The following SDK2 variants were observed in gnomAD, a reference collection of about 807,000 sequenced individuals.
SDK2 encodes protein sidekick-2.
A neutral mutation model predicts 253.9 loss-of-function variants in SDK2; 105 were observed. The observed-to-expected ratio is 0.41, with a 90% CI of 0.35 to 0.49. SDK2 has a LOEUF of 0.49. Ranked by LOEUF, SDK2 falls within the 20% of genes least tolerant of loss-of-function variation. SDK2 has a pLI of 0.06. For missense variants in SDK2, 2,608 were observed against 3,003.0 expected, an observed-to-expected ratio of 0.87 and a Z score of 3.07; for synonymous variants, 1,249 against 1,234.9, an observed-to-expected ratio of 1.01 and a Z score of -0.24.
At chr17:73,355,174 A>ATATATATATGTATTTTTTTTTTTT in intron 40 of SDK2, among the ~76,000 whole-genome samples, 2 of 47,240 alleles carry the variant, frequency 4.2e-5, no homozygotes, top group Admixed American at 1.8e-4. Context: ...ATATATATAT[A>ATATATATATGTATTTTTTTTTTTT]TTTTTTTTTT....
chr17:73,440,976 C>G, intron 5 of SDK2, 53 bp from the exon 6 acceptor site: 1 of 1,342,698 alleles, frequency 7.4e-7, no homozygotes, highest in Non-Finnish European at 1.0e-6. Flanking sequence ...CCTATCCCTG[C>G]CCAGCCTCAT....
Position 73,431,807 on chromosome 17 carries a change from G to T in SDK2, c.1313-138C>A. 1 of 934,206 alleles carries T rather than the reference G, an allele frequency of 1.1e-6. No homozygotes were observed. The highest frequency in any genetic ancestry group is 1.7e-5 in the African/African-American group (1 of 59,684). 57.9% of individuals were successfully genotyped at this position (934,206 alleles called of 1,614,324 possible). The stretch of plus-strand genomic sequence containing the variant: ...GCTGGAAGGAATGAGGACAGATGGC[G>T]GTGGGGCTGGGGTGGGGGCTGAGAG... On this transcript the variant is annotated intron_variant, in intron 10 of 44. Transcript: ENST00000392650. The surrounding 1 kb of genome is among the most constrained non-coding windows in gnomAD (Gnocchi z 5.6).
intron 1 of SDK2, among the ~76,000 whole-genome samples, chr17:73,559,604 C>T (rs2045198432): frequency 7.2e-6 from 1 of 138,264 alleles, no homozygotes; most frequent in African/African-American, 3.0e-5. Flanking sequence ...CTGTGCCCCC[C>T]GCCCCCGCCA....
chr17:73,382,572 G>C (rs1486995460), intron 33 of SDK2, among the ~76,000 whole-genome samples: 1 of 152,236 alleles, frequency 6.6e-6, no homozygotes, highest in East Asian at 1.9e-4. Flanking sequence ...GCTACCTGCT[G>C]TGCTGTAACG....
At chr17:73,620,453 G>A (rs756119107) in intron 1 of SDK2, among the ~76,000 whole-genome samples, 1 of 152,188 alleles carries the variant, frequency 6.6e-6, no homozygotes, top group Non-Finnish European at 1.5e-5. Flanking sequence ...CAGTAACTGT[G>A]GAAAATAGTT....
At chr17:73,357,926 T>C (rs1427552610) in intron 40 of SDK2, 153 bp downstream of exon 40, 2 of 1,208,830 alleles carry the variant, frequency 1.7e-6, no homozygotes, top group Admixed American at 3.4e-5. Context: ...CCCAACCCAG[T>C]TTCCCACTCC....
At chr17:73,392,954 AG>A in intron 27 of SDK2, among the ~76,000 whole-genome samples, 1 of 152,258 alleles carries the variant, frequency 6.6e-6, no homozygotes, top group East Asian at 1.9e-4. Context: ...TGAAAAATAA[AG>A]TAAAACTGGC....
At chr17:73,423,362 T>G in intron 14 of SDK2, 24 bp downstream of exon 14, 1 of 1,412,548 alleles carries the variant, frequency 7.1e-7, no homozygotes, top group South Asian at 1.6e-5. Flanking sequence ...CGGGAGGTGT[T>G]GGAGGTGACC....
At chr17:73,495,170 C>T (rs984385586) in intron 2 of SDK2, among the ~76,000 whole-genome samples, 12 of 152,174 alleles carry the variant, frequency 7.9e-5, no homozygotes, top group Non-Finnish European at 1.2e-4. Flanking sequence ...GCTCTTTACC[C>T]CTTCCTTCCA....
chr17:73,494,646 G>T (rs1354272779), intron 2 of SDK2, among the ~76,000 whole-genome samples: 1 of 152,190 alleles, frequency 6.6e-6, no homozygotes, highest in African/African-American at 2.4e-5. Context: ...CAAGGCACAA[G>T]GAGCCAGCTG....
intron 44 of SDK2, among the ~76,000 whole-genome samples, chr17:73,342,759 G>C (rs1441431878): frequency 6.6e-6 from 1 of 152,186 alleles, no homozygotes. Flanking sequence ...GCTCTTACCA[G>C]CAGAGGAAGC....
chr17:73,378,789 A>C (rs2062805784), intron 36 of SDK2, among the ~76,000 whole-genome samples: 1 of 152,164 alleles, frequency 6.6e-6, no homozygotes, highest in Non-Finnish European at 1.5e-5. Context: ...CTATCTGATT[A>C]ATATCAATAT....
intron 16 of SDK2, 144 bp from the exon 17 acceptor site, chr17:73,416,136 C>T (rs1054520692): frequency 4.9e-5 from 31 of 627,672 alleles, no homozygotes; most frequent in South Asian, 6.9e-5. Flanking sequence ...ACAGGGTGCC[C>T]GCCAGCACAT....
chr17:73,643,983 T>G lies in SDK2; in HGVS notation c.64+42A>C. On this transcript the variant is annotated intron_variant, in intron 1 of 44. Coordinates refer to ENST00000392650, the MANE Select transcript of SDK2 (RefSeq NM_001144952.2). The surrounding 1 kb of genome is among the most constrained non-coding windows in gnomAD (Gnocchi z 6.9). Reference sequence around the variant, plus strand: ...CCCGCCGCCCCTCCCCCGCCCACTCTCCCAGCCCCCTCCCTGTCCCCACGT... The same window carrying G: ...CCCGCCGCCCCTCCCCCGCCCACTCGCCCAGCCCCCTCCCTGTCCCCACGT... 5 of 530,750 alleles carry G rather than the reference T, an allele frequency of 9.4e-6. No individual in the cohort carries two copies. The highest frequency in any genetic ancestry group is 6.1e-5 in the East Asian group (1 of 16,326). 32.9% of individuals were successfully genotyped at this position (530,750 alleles called of 1,614,324 possible).
chr17:73,452,858 T>C (rs1437836435), intron 4 of SDK2, among the ~76,000 whole-genome samples: 3 of 152,216 alleles, frequency 2.0e-5, no homozygotes, highest in Non-Finnish European at 4.4e-5. Context: ...CTCGTCTACT[T>C]GTCCCAAAAC....
chr17:73,551,684 C>T (rs9891077), intron 1 of SDK2, among the ~76,000 whole-genome samples: 9 of 152,126 alleles, frequency 5.9e-5, no homozygotes, highest in Admixed American at 2.6e-4. Context: ...TTGCTATGGA[C>T]GCTGTGGATG....
At chr17:73,351,650 G>C (rs1349765171) in intron 41 of SDK2, among the ~76,000 whole-genome samples, 3 of 152,146 alleles carry the variant, frequency 2.0e-5, no homozygotes, top group African/African-American at 4.8e-5. Context: ...AGTGTGGTGA[G>C]AGGGTCTTTA....
intron 32 of SDK2, among the ~76,000 whole-genome samples, chr17:73,385,064 T>C (rs1459874418): frequency 6.6e-6 from 1 of 152,138 alleles, no homozygotes; most frequent in Non-Finnish European, 1.5e-5. Context: ...GGCTTTCCCT[T>C]TGTGGAGTGG....
At chr17:73,488,617 C>T (rs910186278) in intron 2 of SDK2, among the ~76,000 whole-genome samples, 14 of 150,984 alleles carry the variant, frequency 9.3e-5, no homozygotes, top group Admixed American at 2.0e-4. Context: ...TTCCAATTTC[C>T]GACAACCTTC....
Sources: gnomAD v4.1 joint callset for allele counts (sites outside exome capture counted in the v4.1 genomes callset) on GRCh38, gnomAD v4.1.1 for gene constraint, Gnocchi (gnomAD v3.1) non-coding constraint, MANE v1.5 for transcripts, NCBI Gene and HGNC (gene_info 2026-07-23, HGNC 2026-07-21) for gene names.